Variants in GBF1 observed in about 807,000 individuals in gnomAD.
GBF1 encodes golgi brefeldin A resistant guanine nucleotide exchange factor 1.
In GBF1, 114 loss-of-function variants were observed where a neutral mutation model predicts 210.5. The observed-to-expected ratio is 0.54, with a 90% CI of 0.47 to 0.63. The LOEUF (loss-of-function observed/expected upper bound fraction) is 0.63. Among genes scored for constraint, GBF1 ranks in the 30% least tolerant of loss-of-function variants. The pLI is 0.00. For synonymous variants in GBF1, 850 were observed against 889.2 expected (o/e 0.96, Z 0.78); for missense variants, 1,851 against 2,357.7 (o/e 0.79, Z 4.45).
chr10:102,334,273 A>G (rs997736869), intron 3 of GBF1, among the ~76,000 whole-genome samples: 2 of 152,194 alleles, frequency 1.3e-5, no homozygotes, highest in Non-Finnish European at 2.9e-5. Context: ...AGAATGCCCA[A>G]CTGCCCCTGA....
chr10:102,257,074 G>A (rs2072498867), intron 1 of GBF1, among the ~76,000 whole-genome samples: 1 of 152,084 alleles, frequency 6.6e-6, no homozygotes, highest in South Asian at 2.1e-4. Context: ...TACAGATAAG[G>A]CTCAAGTATC....
intron 3 of GBF1, among the ~76,000 whole-genome samples, chr10:102,323,239 G>GAAAAAAAAAAAAAAAAAAA (rs775888621): frequency 1.5e-5 from 1 of 65,848 alleles, no homozygotes; most frequent in Non-Finnish European, 2.8e-5. Flanking sequence ...CTCCAAAATT[G>GAAAAAAAAAAAAAAAAAAA]AAAAAAAAAA....
chr10:102,312,851 T>G (rs1186635866), intron 3 of GBF1, among the ~76,000 whole-genome samples: 1 of 152,194 alleles, frequency 6.6e-6, no homozygotes, highest in African/African-American at 2.4e-5. Context: ...TGTCTGTGTC[T>G]CATACTGGCA....
At chr10:102,332,016 C>T (rs1368878302) in intron 3 of GBF1, among the ~76,000 whole-genome samples, 3 of 151,910 alleles carry the variant, frequency 2.0e-5, no homozygotes, top group Admixed American at 1.3e-4. Flanking sequence ...TCTGCCATCA[C>T]GCCCAGCTAA....
At chr10:102,294,764 G>A (rs1312842771) in intron 3 of GBF1, among the ~76,000 whole-genome samples, 1 of 152,114 alleles carries the variant, frequency 6.6e-6, no homozygotes, top group Non-Finnish European at 1.5e-5. Flanking sequence ...ATTGCTTACA[G>A]TGTATAGTAT....
Position 102,362,624 on chromosome 10 carries a change from A to G in GBF1, c.1836A>G (p.Pro612=), listed in dbSNP as rs759488718. Residue 612 remains proline, a synonymous_variant, in exon 15 of 40, where the codon CCA becomes CCG. Coordinates refer to ENST00000369983, the MANE Select transcript of GBF1 (RefSeq NM_001377137.1). The part of the protein sequence containing the change: ...TQQEKKETAR[P]SCEIVDGTRE... ...AAGAGAAGAAGGAGACAGCCAGACC[A>G]AGCTGTGAGATAGTAGATGGCACCC... The G allele has an allele frequency of 1.9e-6, 3 of 1,614,188 alleles. No homozygotes were observed. Among genetic ancestry groups the G allele is most frequent in the Non-Finnish European group, 2.5e-6 (3 of 1,180,014 alleles).
At chr10:102,375,237 T>C in intron 29 of GBF1, 122 bp from the exon 30 acceptor site, 1 of 644,462 alleles carries the variant, frequency 1.6e-6, no homozygotes, top group South Asian at 1.7e-5. Context: ...GTATCCTAAA[T>C]TGGGTCCTAG....
intron 3 of GBF1, among the ~76,000 whole-genome samples, chr10:102,292,080 G>A (rs1398643045): frequency 9.2e-5 from 14 of 151,512 alleles, no homozygotes; most frequent in Middle Eastern, 3.2e-3. Context: ...TAGTAGAGAC[G>A]GGGTTTCACT....
Position 102,358,130 on chromosome 10 carries a change from CA to C in GBF1, c.732del (p.Pro245GlnfsTer65). The C allele has an allele frequency of 6.2e-7, 1 of 1,613,596 alleles. No individual in the cohort carries two copies. The highest frequency in any genetic ancestry group is 8.5e-7 in the Non-Finnish European group (1 of 1,179,466). On this transcript the variant is annotated frameshift_variant, in exon 9 of 40. Coordinates refer to ENST00000369983, the MANE Select transcript of GBF1 (RefSeq NM_001377137.1). LOFTEE classifies it high-confidence loss of function. ...PRPPRHMTKV[T>X]PGSELPTPNG... ...CCCCCACGCCATATGACCAAAGTCA[CA>C]CCAGGTTCAGAGCTGCCCACTCCCA... is the stretch of plus-strand genomic sequence containing the variant.
intron 3 of GBF1, among the ~76,000 whole-genome samples, chr10:102,335,535 T>C (rs910934054): frequency 2.0e-5 from 3 of 152,222 alleles, no homozygotes; most frequent in East Asian, 3.8e-4. Context: ...AACCGTGAGA[T>C]AGGACACCAG....
the GBF1 span, among the ~76,000 whole-genome samples, chr10:102,232,842 C>T: frequency 0.66 from 99,689 of 152,094 alleles, 32,997 homozygotes; most frequent in African/African-American, 0.75. Context: ...ATGTCTGTTA[C>T]CCATTCTCCT....
intron 23 of GBF1, 85 bp downstream of exon 23, chr10:102,368,917 G>T: frequency 1.0e-6 from 1 of 956,824 alleles, no homozygotes; most frequent in South Asian, 1.4e-5. Flanking sequence ...CAACAGACCT[G>T]GTTGCCCTCA....
At chr10:102,241,203 C>G (rs1395021756), upstream of GBF1, 1 of 152,778 alleles carries the variant, frequency 6.5e-6, no homozygotes, top group Non-Finnish European at 1.5e-5. This position sits in a 1 kb window ranked among gnomAD's most constrained non-coding sequence, Gnocchi z 6.7. Context: ...TGCAGTCCGC[C>G]CTCCCATTCT....
the GBF1 span, among the ~76,000 whole-genome samples, chr10:102,238,389 C>A: frequency 1.3e-5 from 2 of 152,242 alleles, no homozygotes; most frequent in Non-Finnish European, 1.5e-5. Context: ...ATGTTCCCAT[C>A]CCTGAGCAGG....
chr10:102,351,761 A>T (rs1294777164), intron 5 of GBF1, 82 bp from the exon 6 acceptor site: 1 of 813,640 alleles, frequency 1.2e-6, no homozygotes, highest in African/African-American at 1.7e-5. Context: ...TGAGGTCAGC[A>T]TTCTTGCTAA....
At chr10:102,308,633 C>A (rs546861632) in intron 3 of GBF1, among the ~76,000 whole-genome samples, 1 of 151,074 alleles carries the variant, frequency 6.6e-6, no homozygotes, top group South Asian at 2.1e-4. Flanking sequence ...GGACAAAAAA[C>A]CAAACACCAC....
intron 3 of GBF1, among the ~76,000 whole-genome samples, chr10:102,323,239 G>GAAAAAAAAAAAA (rs775888621): frequency 2.3e-4 from 15 of 65,778 alleles, no homozygotes; most frequent in Admixed American, 3.9e-4. Flanking sequence ...CTCCAAAATT[G>GAAAAAAAAAAAA]AAAAAAAAAA....
chr10:102,243,271 A>G (rs189685400), upstream of GBF1, among the ~76,000 whole-genome samples: 6 of 152,262 alleles, frequency 3.9e-5, no homozygotes, highest in Admixed American at 3.9e-4. Flanking sequence ...TATACCTTCT[A>G]TTACACCACC....
chr10:102,367,436 A>T, intron 20 of GBF1, 42 bp from the exon 21 acceptor site: 1 of 1,311,846 alleles, frequency 7.6e-7, no homozygotes, highest in Non-Finnish European at 1.1e-6. Flanking sequence ...GTGGGGCTTC[A>T]GTGTTGACAC....
Sources: gnomAD v4.1 joint callset for allele counts (sites outside exome capture counted in the v4.1 genomes callset) on GRCh38, gnomAD v4.1.1 for gene constraint, Gnocchi (gnomAD v3.1) non-coding constraint, MANE v1.5 for transcripts, NCBI Gene and HGNC (gene_info 2026-07-23, HGNC 2026-07-21) for gene names.